KDM5B: variants seen among roughly 807,000 people sequenced by gnomAD.
KDM5B encodes the protein lysine-specific demethylase 5B.
A neutral mutation model predicts 193.4 loss-of-function variants in KDM5B; 144 were observed. The observed-to-expected ratio is 0.74, with a 90% CI of 0.65 to 0.86. The LOEUF (loss-of-function observed/expected upper bound fraction) is 0.86. KDM5B is among the 40% of genes least tolerant of loss of function. The pLI is 0.00. For missense variants in KDM5B, 1,833 were observed against 1,886.9 expected (o/e 0.97, Z 0.53); for synonymous variants, 668 against 682.6 (o/e 0.98, Z 0.33).
intron 5 of KDM5B, 141 bp downstream of exon 5, chr1:202,766,785 G>A (rs1250967849): frequency 3.3e-6 from 3 of 908,332 alleles, no homozygotes; most frequent in Non-Finnish European, 3.3e-6. Flanking sequence ...TGTAAAAGCT[G>A]GAATACAAAC....
chr1:202,786,166 ATTTT>A (rs548678700), intron 1 of KDM5B, among the ~76,000 whole-genome samples: 1 of 107,104 alleles, frequency 9.3e-6, no homozygotes, highest in Non-Finnish European at 1.8e-5. Context: ...TGACCAGCTA[ATTTT>A]TTTTTTTAAG....
chr1:202,779,804 A>AAAATAAAT (rs145024625), intron 1 of KDM5B, among the ~76,000 whole-genome samples: 21,643 of 141,070 alleles, frequency 0.15, 1,754 homozygotes, highest in Middle Eastern at 0.2. Flanking sequence ...CTCCGTCTCA[A>AAAATAAAT]AAATAAATAA....
At chr1:202,748,814 T>C (rs1655672145) in intron 14 of KDM5B, 131 bp downstream of exon 14, 1 of 688,804 alleles carries the variant, frequency 1.5e-6, no homozygotes, top group East Asian at 2.6e-5. Context: ...GAGATACTAC[T>C]ATACATCTAT....
chr1:202,807,670 A>AC (rs922019492), intron 1 of KDM5B, among the ~76,000 whole-genome samples: 8 of 48,622 alleles, frequency 1.6e-4, no homozygotes, highest in South Asian at 8.6e-4. Context: ...CCCATCACAC[A>AC]CCCCCGCACC....
At chr1:202,754,933 T>C (rs1384783333) in intron 11 of KDM5B, among the ~76,000 whole-genome samples, 2 of 152,124 alleles carry the variant, frequency 1.3e-5, no homozygotes, top group Non-Finnish European at 2.9e-5. Flanking sequence ...GATCCGCCCA[T>C]CTTGGCCTCC....
chr1:202,753,664 G>GTTTTTTTTTTTT (rs771281999), intron 11 of KDM5B, among the ~76,000 whole-genome samples: 1 of 105,784 alleles, frequency 9.5e-6, no homozygotes, highest in Admixed American at 1.2e-4. Flanking sequence ...TGTTGTTGTT[G>GTTTTTTTTTTTT]TTTTTTTTTT....
chr1:202,773,666 C>T (rs1656813984), intron 3 of KDM5B, among the ~76,000 whole-genome samples: 1 of 152,012 alleles, frequency 6.6e-6, no homozygotes, highest in Non-Finnish European at 1.5e-5. Flanking sequence ...AGGATGCATG[C>T]CAGCATGTTT....
At chr1:202,738,981 G>A (rs2102226875) in intron 20 of KDM5B, among the ~76,000 whole-genome samples, 1 of 152,166 alleles carries the variant, frequency 6.6e-6, no homozygotes, top group East Asian at 1.9e-4. Context: ...TTGGAACTGG[G>A]TAGGTTTTAT....
chr1:202,806,985 G>C (rs1426806920), intron 1 of KDM5B: 1 of 152,238 alleles, frequency 6.6e-6, no homozygotes, highest in Non-Finnish European at 1.5e-5. Context: ...ACCCAGTTCC[G>C]GCCACGGAGG....
At chr1:202,797,403 A>C (rs1657893023) in intron 1 of KDM5B, among the ~76,000 whole-genome samples, 2 of 152,150 alleles carry the variant, frequency 1.3e-5, no homozygotes, top group South Asian at 4.1e-4. Flanking sequence ...TGCCCCAAGG[A>C]GTCAAGATAT....
rs577716007 is a variant in KDM5B, at chr1:202,800,101, T to C, written c.204+8001A>G. 9.2e-5 allele frequency among the ~76,000 whole-genome samples: 14 copies of C among 152,280 alleles called. No homozygotes were observed. The South Asian group carries it at 2.7e-3, about 29-fold the overall frequency. ...GCTCTGTCACCAGGCTGGAGTGCAG[T>C]GGTGCGATATCGGCTCACTGCAATC... On this transcript the variant is annotated intron_variant, in intron 1 of 26. Coordinates refer to ENST00000367265, the MANE Select transcript of KDM5B (RefSeq NM_006618.5).
intron 1 of KDM5B, among the ~76,000 whole-genome samples, chr1:202,785,008 T>C (rs2102318861): frequency 7.4e-6 from 1 of 135,690 alleles, no homozygotes; most frequent in Middle Eastern, 3.7e-3. Context: ...AGAGCCTGTC[T>C]CAAAAAAAAA....
intron 1 of KDM5B, among the ~76,000 whole-genome samples, chr1:202,779,316 G>A (rs1050841746): frequency 2.0e-5 from 3 of 151,244 alleles, no homozygotes; most frequent in South Asian, 4.2e-4. Flanking sequence ...GACCATCCTG[G>A]CTAACACAAA....
At chr1:202,730,087 T>C (rs1036719902) in intron 25 of KDM5B, 60 bp from the exon 26 acceptor site, 8 of 1,368,978 alleles carry the variant, frequency 5.8e-6, no homozygotes, top group South Asian at 4.2e-5. Flanking sequence ...CTAAAACTAA[T>C]GAAGCTAAAG....
At chr1:202,753,192 A>G (rs904883196) in intron 11 of KDM5B, 125 bp from the exon 12 acceptor site, 1 of 786,174 alleles carries the variant, frequency 1.3e-6, no homozygotes, top group African/African-American at 1.8e-5. Context: ...AAACTGACGA[A>G]ATATCATTAG....
intron 4 of KDM5B, 48 bp from the exon 5 acceptor site, chr1:202,767,108 A>T (rs530981545): frequency 2.0e-5 from 32 of 1,597,190 alleles, no homozygotes; most frequent in Non-Finnish European, 2.5e-5. Context: ...TTTTTTTCAC[A>T]TCATAAGTTT....
Position 202,758,373 on chromosome 1 carries a change from C to A in KDM5B, c.1197+18G>T. On this transcript the variant is annotated intron_variant, in intron 9 of 26. Coordinates refer to ENST00000367265, the MANE Select transcript of KDM5B (RefSeq NM_006618.5). Reference sequence around the variant, plus strand: ...AAGCTATTAAAATCCTAAATCAAAGCAGTATATATGTACATACATGGACTG... The same window carrying A: ...AAGCTATTAAAATCCTAAATCAAAGAAGTATATATGTACATACATGGACTG... 1.3e-6 allele frequency: 2 copies of A among 1,561,318 alleles called. No individual in the cohort carries two copies. The highest frequency in any genetic ancestry group is 1.7e-6 in the Non-Finnish European group (2 of 1,146,676).
intron 24 of KDM5B, 54 bp from the exon 25 acceptor site, chr1:202,731,117 C>A: frequency 6.8e-7 from 1 of 1,471,074 alleles, no homozygotes; most frequent in Non-Finnish European, 9.2e-7. Flanking sequence ...GTTTCACATT[C>A]ACATTTGGGT....
At chr1:202,791,741 T>TG (rs1193454902) in intron 1 of KDM5B, among the ~76,000 whole-genome samples, 2 of 152,126 alleles carry the variant, frequency 1.3e-5, no homozygotes, top group Admixed American at 1.3e-4. Flanking sequence ...TTATTTGAGA[T>TG]GGAGTCTTGC....
Sources: gnomAD v4.1 joint callset for allele counts (sites outside exome capture counted in the v4.1 genomes callset) on GRCh38, gnomAD v4.1.1 for gene constraint, MANE v1.5 for transcripts, NCBI Gene and HGNC (gene_info 2026-07-23, HGNC 2026-07-21) for gene names.